PKD1L3: variants seen among roughly 807,000 people sequenced by gnomAD.
PKD1L3 encodes the protein polycystin 1 like 3, transient receptor potential channel interacting, also known as polycystin-1-like protein 3.
PKD1L3 carries 239 observed loss-of-function variants against 184.1 expected under a neutral mutation model. That is an observed-to-expected ratio of 1.30 (90% confidence interval 1.17 to 1.45). The LOEUF is 1.45. PKD1L3 is among the 40% of genes most tolerant of loss of function. PKD1L3 has a pLI of 0.00. For synonymous variants in PKD1L3, 996 were observed against 778.8 expected, an observed-to-expected ratio of 1.28 and a Z score of -4.64; for missense variants, 2,660 against 2,067.2, an observed-to-expected ratio of 1.29 and a Z score of -5.56.
In PKD1L3 at chr16:71,998,305, A is replaced by C; in HGVS notation, c.385T>G (p.Cys129Gly). 6.4e-7 allele frequency: 1 copy of C among 1,552,276 alleles called. No individual in the cohort carries two copies. The highest frequency in any genetic ancestry group is 2.4e-5 in the East Asian group (1 of 40,930). Residue 129 changes from cysteine to glycine, a missense_variant, in exon 2 of 30, where the codon TGC (cysteine) becomes GGC (glycine). By Grantham distance (159) the Cys-to-Gly change is radical (BLOSUM62 -3). Coordinates refer to ENST00000620267, the MANE Select transcript of PKD1L3 (RefSeq NM_181536.2). ...FIRISSKGDK[C>G]LLKYYFICQT... Reference sequence around the variant, plus strand: ...CAAATGAAATAGTATTTCAGTAAGCACTTGTCCCCTTTGGATGAGATCCGA... The same window carrying C: ...CAAATGAAATAGTATTTCAGTAAGCCCTTGTCCCCTTTGGATGAGATCCGA...
intron 12 of PKD1L3, among the ~76,000 whole-genome samples, chr16:71,972,079 AGTGGT>A (rs2039733844): frequency 6.6e-6 from 1 of 152,062 alleles, no homozygotes; most frequent in African/African-American, 2.4e-5. Context: ...AGCCGGGCGC[AGTGGT>A]GGGTGCCTGT....
intron 21 of PKD1L3, among the ~76,000 whole-genome samples, chr16:71,949,041 T>A (rs188180240): frequency 1.3e-5 from 2 of 152,242 alleles, no homozygotes; most frequent in East Asian, 3.9e-4. Flanking sequence ...TAAAATGATA[T>A]GAAGTCTGAT....
intron 6 of PKD1L3, 76 bp downstream of exon 6, chr16:71,983,960 G>A (rs2040262575): frequency 1.3e-6 from 2 of 1,520,392 alleles, no homozygotes; most frequent in Non-Finnish European, 1.8e-6. Context: ...ACCGCACCCA[G>A]CCTCAGATTC....
At chr16:71,983,687 G>GTTTTTTCC (rs1360422609) in intron 6 of PKD1L3, among the ~76,000 whole-genome samples, 1 of 109,352 alleles carries the variant, frequency 9.1e-6, no homozygotes, top group Admixed American at 1.1e-4. Flanking sequence ...TTTTTTTTTG[G>GTTTTTTCC]AGACACAGTC....
At chr16:71,952,700 G>A (rs1011863801) in intron 18 of PKD1L3, among the ~76,000 whole-genome samples, 194 bp downstream of exon 18, 2 of 151,216 alleles carry the variant, frequency 1.3e-5, no homozygotes, top group East Asian at 4.0e-4. Context: ...GCCAGACATG[G>A]TGTCACATGC....
At chr16:71,934,204 A>G in intron 26 of PKD1L3, 79 bp from the exon 27 acceptor site, 1 of 1,350,044 alleles carries the variant, frequency 7.4e-7, no homozygotes, top group Non-Finnish European at 1.0e-6. Context: ...CCTGCTGCTG[A>G]TCGTGGCAGC....
chr16:71,930,237 C>A (rs1460178474), intron 28 of PKD1L3, 54 bp from the exon 29 acceptor site: 6 of 1,471,210 alleles, frequency 4.1e-6, no homozygotes, highest in African/African-American at 1.4e-5. Flanking sequence ...TTATACTTTA[C>A]AAACATAAGC....
At chr16:71,971,810 C>T (rs1341530238) in intron 12 of PKD1L3, among the ~76,000 whole-genome samples, 2 of 152,180 alleles carry the variant, frequency 1.3e-5, no homozygotes, top group Non-Finnish European at 2.9e-5. Flanking sequence ...AGAATCCTCT[C>T]TCTGTCATGC....
At position 71,967,049 on chromosome 16, in the gene PKD1L3, C is replaced by T. The variant is rs992388992; in HGVS notation, c.2465+88G>A. 5.0e-6 allele frequency: 7 copies of T among 1,388,808 alleles called. No individual in the cohort carries two copies. In the African/African-American group the frequency reaches 1.0e-4, roughly 20 times the overall value. The allele number at this position is 1,388,808 out of a possible 1,614,324, so 86.0% of individuals were successfully genotyped here. Reference sequence around the variant, plus strand: ...TCATTTGTTACTATTTGGCTCAAAGCTTTACTGTGATTTATTGTGGTGATC... The same window carrying T: ...TCATTTGTTACTATTTGGCTCAAAGTTTTACTGTGATTTATTGTGGTGATC... On this transcript the variant is annotated intron_variant, in intron 15 of 29. Coordinates refer to ENST00000620267, the MANE Select transcript of PKD1L3 (RefSeq NM_181536.2).
intron 22 of PKD1L3, among the ~76,000 whole-genome samples, chr16:71,945,428 A>G (rs906418594): frequency 7.0e-6 from 1 of 143,856 alleles, no homozygotes; most frequent in Non-Finnish European, 1.5e-5. Flanking sequence ...ATTTATTTAT[A>G]TATGTATTGG....
At chr16:71,966,992 G>T in intron 15 of PKD1L3, 145 bp downstream of exon 15, 1 of 925,596 alleles carries the variant, frequency 1.1e-6, no homozygotes, top group Non-Finnish European at 1.6e-6. Context: ...GGCTTATTCT[G>T]TGTAGACAGC....
At chr16:71,938,245 T>A (rs1435022611) in intron 24 of PKD1L3, among the ~76,000 whole-genome samples, 2 of 152,256 alleles carry the variant, frequency 1.3e-5, no homozygotes, top group Non-Finnish European at 2.9e-5. Flanking sequence ...TGGCCAAGCC[T>A]GGGTGTGTGT....
chr16:71,967,225 C>G lies in PKD1L3; in HGVS notation c.2377G>C (p.Asp793His). Residue 793 changes from aspartate (D) to histidine (H), a missense_variant, in exon 15 of 30, where the codon GAT becomes CAT. Coordinates refer to ENST00000620267, the MANE Select transcript of PKD1L3 (RefSeq NM_181536.2). ...GTCCAAGTGGTGAGAAGGAAGACATCCAGGCCCCCTCGTTCAAAGACTGTC... is the reference window on the plus strand; with the variant it reads ...GTCCAAGTGGTGAGAAGGAAGACATGCAGGCCCCCTCGTTCAAAGACTGTC... ...QKTVFERGGL[D>H]VFLLTTWTSL... 1 of 1,551,664 alleles carries G rather than the reference C, an allele frequency of 6.4e-7. No homozygotes were observed. The highest frequency in any genetic ancestry group is 1.4e-5 in the African/African-American group (1 of 73,168).
intron 24 of PKD1L3, among the ~76,000 whole-genome samples, chr16:71,938,001 T>C (rs1009813170): frequency 3.3e-5 from 5 of 152,208 alleles, no homozygotes; most frequent in Non-Finnish European, 7.3e-5. Flanking sequence ...TTGTGCGCTG[T>C]TGAGCTGCGG....
Position 71,977,315 on chromosome 16 carries a change from G to A in PKD1L3, c.1680C>T (p.Tyr560=), listed in dbSNP as rs1321595833. 13 of 1,544,944 alleles carry A rather than the reference G, an allele frequency of 8.4e-6. No homozygotes were observed. The highest frequency in any genetic ancestry group is 1.7e-4 in the Middle Eastern group (1 of 6,002). Residue 560 remains tyrosine, a synonymous_variant, in exon 11 of 30, where the codon TAC becomes TAT. Transcript: ENST00000620267. ...AGTTAGGCTGATACTGGAACCCCAG[G>A]TAGAGTGTCATTAAAAGGGGACTGT... ...DPDSPLLMTL[Y]LGFQYQPNCT...
chr16:71,978,560 G>C (rs1271216026), intron 9 of PKD1L3, among the ~76,000 whole-genome samples, 177 bp from the exon 10 acceptor site: 2 of 123,608 alleles, frequency 1.6e-5, no homozygotes, highest in East Asian at 4.7e-4. Flanking sequence ...TTTTTTTTGA[G>C]AAAGAGTCAC....
intron 2 of PKD1L3, among the ~76,000 whole-genome samples, chr16:71,997,112 AGAC>A (rs2040814014): frequency 1.3e-5 from 2 of 152,110 alleles, no homozygotes; most frequent in Admixed American, 1.3e-4. Context: ...TGCTATGGCT[AGAC>A]CACAGTGGTT....
At chr16:71,936,613 G>A (rs1190830754) in intron 25 of PKD1L3, among the ~76,000 whole-genome samples, 5 of 143,480 alleles carry the variant, frequency 3.5e-5, no homozygotes, top group East Asian at 2.1e-4. Context: ...TCCGCCTCCC[G>A]AGCAGCTGGG....
In PKD1L3 at chr16:71,977,391, G is replaced by C; in HGVS notation, c.1604C>G (p.Thr535Arg). The change falls in exon 11 of 30, where the codon ACA becomes AGA. Residue 535 changes from threonine to arginine, a missense_variant. Physicochemically the swap from Thr to Arg is moderately conservative, Grantham distance 71. Transcript: ENST00000620267. The part of the protein sequence containing the change: ...LNMSTHQLTI[T>R]VNVTSLEKSL... ...TTTCTCCAAGGAAGTGACGTTCACT[G>C]TGATTGTAAGCTGATGTGTGCTCAT... is the stretch of plus-strand genomic sequence containing the variant. 1.3e-6 allele frequency: 2 copies of C among 1,551,544 alleles called. No homozygotes were observed. The highest frequency in any genetic ancestry group is 1.7e-6 in the Non-Finnish European group (2 of 1,146,856).
Sources: gnomAD v4.1 joint callset for allele counts (sites outside exome capture counted in the v4.1 genomes callset) on GRCh38, gnomAD v4.1.1 for gene constraint, MANE v1.5 for transcripts, NCBI Gene and HGNC (gene_info 2026-07-23, HGNC 2026-07-21) for gene names.